ADAMTS9: variants seen among roughly 807,000 people sequenced by gnomAD.
ADAMTS9 encodes A disintegrin and metalloproteinase with thrombospondin motifs 9.
Under a neutral mutation model 257.1 loss-of-function variants are expected in ADAMTS9, and 107 were observed. The observed-to-expected ratio is 0.42, with a 90% CI of 0.36 to 0.49. ADAMTS9 has a LOEUF of 0.49. Ranked by LOEUF, ADAMTS9 falls within the 20% of genes least tolerant of loss-of-function variation. The probability of loss-of-function intolerance (pLI) is 0.03; values close to 1 mark genes in which losing one functional copy is unlikely to be tolerated. For missense variants in ADAMTS9, 2,353 were observed against 2,469.1 expected (o/e 0.95, Z 1.00); for synonymous variants, 982 against 880.9 (o/e 1.11, Z -2.03).
intron 12 of ADAMTS9, among the ~76,000 whole-genome samples, chr3:64,641,373 G>A (rs915649318): frequency 6.6e-6 from 1 of 151,112 alleles, no homozygotes; most frequent in Non-Finnish European, 1.5e-5. Flanking sequence ...ACAATGTGCA[G>A]GTTAGTTACA....
At chr3:64,645,385 G>C (rs1202827606) in intron 11 of ADAMTS9, among the ~76,000 whole-genome samples, 1 of 152,098 alleles carries the variant, frequency 6.6e-6, no homozygotes, top group Non-Finnish European at 1.5e-5. Context: ...AAAATAAAGA[G>C]ACATTAGTGA....
chr3:64,604,531 G>A (rs2084524685), intron 23 of ADAMTS9, among the ~76,000 whole-genome samples, 200 bp from the exon 24 acceptor site: 1 of 152,078 alleles, frequency 6.6e-6, no homozygotes, highest in South Asian at 2.1e-4. Context: ...TCCTTTTGTG[G>A]GTGCCTTAAT....
intron 39 of ADAMTS9, among the ~76,000 whole-genome samples, chr3:64,520,908 C>G (rs1203341578): frequency 1.3e-5 from 2 of 151,986 alleles, no homozygotes; most frequent in African/African-American, 2.4e-5. Flanking sequence ...ATGACTAAGT[C>G]CTCAAAAGCA....
At position 64,628,921 on chromosome 3, in the gene ADAMTS9, T is replaced by C. The variant is rs191182688; in HGVS notation, c.2389+2534A>G. 1.2e-3 allele frequency among the ~76,000 whole-genome samples: 188 copies of C among 152,304 alleles called. 1 individual carries two copies. The highest frequency in any genetic ancestry group is 4.3e-3 in the African/African-American group (177 of 41,562). ...TAACTTTAAAACACTAGTGGTCGTA[T>C]AATAAATATGTAACTAGTCTTGTCA... On this transcript the variant is annotated intron_variant, in intron 16 of 39. Coordinates refer to ENST00000498707, the MANE Select transcript of ADAMTS9 (RefSeq NM_182920.2).
intron 38 of ADAMTS9, among the ~76,000 whole-genome samples, chr3:64,531,319 T>C (rs1376507600): frequency 6.6e-6 from 1 of 152,136 alleles, no homozygotes; most frequent in East Asian, 1.9e-4. Context: ...GGTAGAAGTA[T>C]TTGCAATAGG....
chr3:64,687,632 A>C lies in ADAMTS9; in HGVS notation c.26T>G (p.Leu9Arg), dbSNP rs1292709829. The change falls in exon 1 of 40, where the codon CTG becomes CGG. Residue 9 changes from leucine to arginine, a missense_variant. Around this residue, in one of 3 missense-constraint regions of ADAMTS9, gnomAD observed 591 missense variants for 569.6 expected, o/e 1.04. Coordinates refer to ENST00000498707, the MANE Select transcript of ADAMTS9 (RefSeq NM_182920.2). This position sits in a 1 kb window ranked among gnomAD's most constrained non-coding sequence, Gnocchi z 4.4. ...CAGGTCCCGCACCAGGAGCGTTAGC[A>C]GTGTGGCCCAGGATACAAACTGCAT... MQFVSWAT[L>R]LTLLVRDLAE... 6.3e-7 allele frequency: 1 copy of C among 1,579,098 alleles called. No individual in the cohort carries two copies. The highest frequency in any genetic ancestry group is 8.6e-7 in the Non-Finnish European group (1 of 1,164,054).
chr3:64,596,769 G>T, intron 27 of ADAMTS9, 61 bp downstream of exon 27: 1 of 1,588,600 alleles, frequency 6.3e-7, no homozygotes, highest in African/African-American at 1.3e-5. Context: ...AAATCTGAAT[G>T]ATAAATACAG....
At chr3:64,597,888 AAT>A (rs2084392992) in intron 26 of ADAMTS9, among the ~76,000 whole-genome samples, 1 of 152,214 alleles carries the variant, frequency 6.6e-6, no homozygotes, top group African/African-American at 2.4e-5. Flanking sequence ...TCCTCAAAGC[AAT>A]GTATTTCTCA....
intron 39 of ADAMTS9, among the ~76,000 whole-genome samples, chr3:64,517,429 T>TTTTTTTTTTGTTTTG (rs2082793495): frequency 7.7e-6 from 1 of 130,598 alleles, no homozygotes; most frequent in Non-Finnish European, 1.7e-5. Flanking sequence ...TTTTTTTTTT[T>TTTTTTTTTTGTTTTG]TTTTTTTTTT....
intron 19 of ADAMTS9, among the ~76,000 whole-genome samples, chr3:64,616,725 A>G (rs72890819): frequency 2.8e-3 from 425 of 152,308 alleles, no homozygotes; most frequent in African/African-American, 9.8e-3. Flanking sequence ...TAAATTTAAA[A>G]AGAAAATAAA....
intron 16 of ADAMTS9, among the ~76,000 whole-genome samples, chr3:64,624,421 T>C (rs973483395): frequency 6.6e-6 from 1 of 152,154 alleles, no homozygotes; most frequent in Admixed American, 6.5e-5. Flanking sequence ...AAACATAAAG[T>C]TGAACACCTT....
At chr3:64,681,119 T>C (rs758864467) in intron 3 of ADAMTS9, 82 bp downstream of exon 3, 124 of 1,482,860 alleles carry the variant, frequency 8.4e-5, no homozygotes, top group Non-Finnish European at 1.0e-4. Context: ...CTTTGTAGAC[T>C]GAAAGAGAGC....
At chr3:64,618,601 G>A (rs188632379) in intron 19 of ADAMTS9, among the ~76,000 whole-genome samples, 1 of 152,252 alleles carries the variant, frequency 6.6e-6, no homozygotes, top group Admixed American at 6.5e-5. Flanking sequence ...CTGTGAAATG[G>A]AGGGAAACAG....
rs1238066328 is a variant in ADAMTS9, at chr3:64,584,602, T to C, written c.4356+9656A>G. 2.6e-5 allele frequency among the ~76,000 whole-genome samples: 4 copies of C among 152,182 alleles called. 1 individual carries two copies. Among genetic ancestry groups the C allele is most frequent in the African/African-American group, 9.7e-5 (4 of 41,444 alleles). Reference sequence around the variant, plus strand: ...TCCTTGTGAAGGAAAAAACACACTCTGAATACATTTGTTTCTTTAAGAAAT... The same window carrying C: ...TCCTTGTGAAGGAAAAAACACACTCCGAATACATTTGTTTCTTTAAGAAAT... On this transcript the variant is annotated intron_variant, in intron 28 of 39. Coordinates refer to ENST00000498707, the MANE Select transcript of ADAMTS9 (RefSeq NM_182920.2).
intron 31 of ADAMTS9, 78 bp from the exon 32 acceptor site, chr3:64,547,030 C>A (rs79453634): frequency 2.4e-6 from 3 of 1,265,416 alleles, no homozygotes; most frequent in Non-Finnish European, 2.2e-6. Context: ...ACCTCCACAC[C>A]AAGCGCTGAC....
intron 16 of ADAMTS9, among the ~76,000 whole-genome samples, chr3:64,630,924 T>C (rs181637088): frequency 1.6e-4 from 25 of 152,258 alleles, no homozygotes; most frequent in East Asian, 1.5e-3. Context: ...GAGAAGAGGA[T>C]AAAAAATCTG....
chr3:64,599,520 T>C (rs911694675), intron 26 of ADAMTS9, among the ~76,000 whole-genome samples: 6 of 152,210 alleles, frequency 3.9e-5, no homozygotes, highest in African/African-American at 1.4e-4. Context: ...GGCAGCCCAA[T>C]TTCCTTTAAG....
At chr3:64,546,620 T>C in intron 32 of ADAMTS9, 138 bp downstream of exon 32, 2 of 872,664 alleles carry the variant, frequency 2.3e-6, no homozygotes, top group Non-Finnish European at 3.4e-6. Context: ...TTGATCCCTG[T>C]TAGCCCATTT....
intron 3 of ADAMTS9, among the ~76,000 whole-genome samples, chr3:64,664,022 G>A (rs1236496359): frequency 1.3e-5 from 2 of 152,048 alleles, no homozygotes; most frequent in Non-Finnish European, 2.9e-5. Flanking sequence ...TTTCACCAAC[G>A]GAGTACACAC....
Sources: allele counts gnomAD v4.1 joint callset (sites outside exome capture counted in the v4.1 genomes callset), GRCh38; gene constraint gnomAD v4.1.1; regional missense constraint gnomAD v4.1.1; non-coding constraint Gnocchi (gnomAD v3.1); transcripts MANE v1.5; gene names NCBI Gene and HGNC (gene_info 2026-07-23, HGNC 2026-07-21).